The following ARHGAP15 variants were observed in gnomAD, a reference collection of about 807,000 sequenced individuals.
The protein encoded by ARHGAP15 is Rho GTPase activating protein 15.
In ARHGAP15, 51 loss-of-function variants were observed where a neutral mutation model predicts 63.7. That is an observed-to-expected ratio of 0.80 (90% confidence interval 0.64 to 1.01). The LOEUF (loss-of-function observed/expected upper bound fraction) is 1.01. Ranked by LOEUF, ARHGAP15 falls within the 50% of genes least tolerant of loss-of-function variation. ARHGAP15 has a pLI of 0.00. For synonymous variants in ARHGAP15, 191 were observed against 193.8 expected (o/e 0.99, Z 0.12); for missense variants, 560 against 564.6 (o/e 0.99, Z 0.08).
intron 6 of ARHGAP15, among the ~76,000 whole-genome samples, chr2:143,267,407 A>G (rs1240167744): frequency 2.6e-5 from 4 of 152,200 alleles, no homozygotes; most frequent in East Asian, 1.9e-4. Context: ...ATTCAACAAC[A>G]TATGTCAACC....
chr2:143,607,392 C>G (rs1404055100), intron 11 of ARHGAP15: 1 of 152,162 alleles, frequency 6.6e-6, no homozygotes, highest in Non-Finnish European at 1.5e-5. Context: ...TTAGAGATGT[C>G]TTATGAGTTT....
chr2:143,296,356 A>C (rs1682632352), intron 6 of ARHGAP15, among the ~76,000 whole-genome samples: 1 of 152,092 alleles, frequency 6.6e-6, no homozygotes, highest in African/African-American at 2.4e-5. Context: ...TGCATCTGAC[A>C]CCTGTAGTTA....
intron 12 of ARHGAP15, among the ~76,000 whole-genome samples, chr2:143,650,531 T>C (rs545561376): frequency 2.6e-5 from 4 of 152,036 alleles, no homozygotes; most frequent in Admixed American, 6.6e-5. Context: ...AACCAAGTCT[T>C]TCATCTGATT....
At chr2:143,712,921 C>G (rs532118157) in intron 13 of ARHGAP15, among the ~76,000 whole-genome samples, 1 of 152,244 alleles carries the variant, frequency 6.6e-6, no homozygotes, top group African/African-American at 2.4e-5. Context: ...GCTCTTAGAG[C>G]ACTGGCTCCA....
At chr2:143,548,854 A>G (rs947779369) in intron 10 of ARHGAP15, among the ~76,000 whole-genome samples, 2 of 152,136 alleles carry the variant, frequency 1.3e-5, no homozygotes, top group Non-Finnish European at 2.9e-5. Context: ...GGTAGAACAA[A>G]AAACCAAAAT....
intron 11 of ARHGAP15, among the ~76,000 whole-genome samples, chr2:143,591,435 G>T (rs1697314088): frequency 6.6e-6 from 1 of 152,032 alleles, no homozygotes; most frequent in African/African-American, 2.4e-5. Flanking sequence ...GTGCAAAAGT[G>T]GCACAGCCTT....
intron 6 of ARHGAP15, among the ~76,000 whole-genome samples, chr2:143,433,807 G>A (rs1270876943): frequency 6.6e-6 from 1 of 151,970 alleles, no homozygotes; most frequent in Non-Finnish European, 1.5e-5. Flanking sequence ...TGTACATTGT[G>A]CTTTGGCTAA....
chr2:143,713,513 T>C (rs1684675945), intron 13 of ARHGAP15, among the ~76,000 whole-genome samples: 1 of 152,154 alleles, frequency 6.6e-6, no homozygotes, highest in Non-Finnish European at 1.5e-5. Flanking sequence ...AAACCAATCA[T>C]GCCTTCCCAA....
rs1029338402 is a variant in ARHGAP15, at chr2:143,256,263, T to G, written c.474+5663T>G. ...AATGTTTTGAGGGAAATTCCAGATA[T>G]GAATTTTAGAAGAATAGGGTTGAGA... On this transcript the variant is annotated intron_variant, in intron 6 of 13. Coordinates refer to ENST00000295095, the MANE Select transcript of ARHGAP15 (RefSeq NM_018460.4). 7.0e-4 allele frequency among the ~76,000 whole-genome samples: 106 copies of G among 152,104 alleles called. 2 individuals carry two copies. The highest frequency in any genetic ancestry group is 1.5e-3 in the Admixed American group (23 of 15,246).
chr2:143,668,723 A>C (rs746720260), intron 12 of ARHGAP15, among the ~76,000 whole-genome samples: 2 of 152,194 alleles, frequency 1.3e-5, no homozygotes, highest in Non-Finnish European at 2.9e-5. Context: ...TTGTGGTTCA[A>C]ATCACTCTTA....
At chr2:143,629,524 T>C (rs1698981148) in intron 12 of ARHGAP15, among the ~76,000 whole-genome samples, 1 of 152,180 alleles carries the variant, frequency 6.6e-6, no homozygotes, top group African/African-American at 2.4e-5. Flanking sequence ...GCTAGAGGCC[T>C]GCAGGGGTCC....
intron 6 of ARHGAP15, among the ~76,000 whole-genome samples, chr2:143,404,389 A>T (rs1250656124): frequency 6.6e-6 from 1 of 151,988 alleles, no homozygotes; most frequent in Non-Finnish European, 1.5e-5. Flanking sequence ...TAAGATATGT[A>T]TAGAATATAA....
At chr2:143,489,779 G>C (rs1322582463) in intron 9 of ARHGAP15, among the ~76,000 whole-genome samples, 1 of 152,142 alleles carries the variant, frequency 6.6e-6, no homozygotes, top group African/African-American at 2.4e-5. Flanking sequence ...GAATTATTTA[G>C]AAAGAGGAAT....
At chr2:143,165,076 A>T (rs866800547) in intron 2 of ARHGAP15, among the ~76,000 whole-genome samples, 1 of 152,022 alleles carries the variant, frequency 6.6e-6, no homozygotes. Context: ...ATTCTTTTTT[A>T]TGTATCCCTT....
intron 13 of ARHGAP15, among the ~76,000 whole-genome samples, chr2:143,714,864 C>T (rs182253099): frequency 1.8e-4 from 28 of 152,312 alleles, no homozygotes; most frequent in African/African-American, 5.5e-4. Context: ...GCATTTTTCT[C>T]GAAGCCATTC....
At chr2:143,139,695 C>T (rs919005764) in intron 1 of ARHGAP15, among the ~76,000 whole-genome samples, 3 of 151,970 alleles carry the variant, frequency 2.0e-5, no homozygotes, top group South Asian at 2.1e-4. Flanking sequence ...AATTGAATTG[C>T]GGGAGGACAC....
At chr2:143,263,268 T>C (rs1680820459) in intron 6 of ARHGAP15, among the ~76,000 whole-genome samples, 1 of 152,132 alleles carries the variant, frequency 6.6e-6, no homozygotes, top group African/African-American at 2.4e-5. Context: ...TCACCCCACA[T>C]TGCTAATTCA....
At chr2:143,632,392 T>G (rs999048654) in intron 12 of ARHGAP15, among the ~76,000 whole-genome samples, 1 of 152,132 alleles carries the variant, frequency 6.6e-6, no homozygotes, top group African/African-American at 2.4e-5. Flanking sequence ...ACACAGAGAT[T>G]AGGCAAGTCG....
At chr2:143,695,191 A>G (rs899940045) in intron 12 of ARHGAP15, among the ~76,000 whole-genome samples, 2 of 152,230 alleles carry the variant, frequency 1.3e-5, no homozygotes, top group African/African-American at 2.4e-5. Flanking sequence ...GAATAAATAT[A>G]GTTTCAAGAA....
Sources: gnomAD v4.1 joint callset for allele counts (sites outside exome capture counted in the v4.1 genomes callset) on GRCh38, gnomAD v4.1.1 for gene constraint, MANE v1.5 for transcripts, NCBI Gene and HGNC (gene_info 2026-07-23, HGNC 2026-07-21) for gene names.